The following RBMS1 variants were observed in gnomAD, a reference collection of about 807,000 sequenced individuals.
The protein encoded by RBMS1 is RNA-binding motif, single-stranded-interacting protein 1.
Under a neutral mutation model 62.3 loss-of-function variants are expected in RBMS1, and 17 were observed. The ratio of observed to expected loss-of-function variants is 0.27; its 90% CI spans 0.19 to 0.41. RBMS1 has a LOEUF of 0.41. Ranked by LOEUF, RBMS1 falls within the 10% of genes least tolerant of loss-of-function variation. The pLI, the probability that RBMS1 is intolerant of heterozygous loss-of-function variation, is 1.00. For missense variants in RBMS1, 334 were observed against 504.5 expected, an observed-to-expected ratio of 0.66 and a Z score of 3.24; for synonymous variants, 172 against 170.0, an observed-to-expected ratio of 1.01 and a Z score of -0.09.
In RBMS1 at chr2:160,286,319, T is replaced by A. The variant is rs541783682; in HGVS notation, c.756+650A>T. 1.8e-3 allele frequency among the ~76,000 whole-genome samples: 273 copies of A among 149,724 alleles called. 1 individual carries two copies. Among genetic ancestry groups the A allele is most frequent in the African/African-American group, 5.2e-3 (210 of 40,426 alleles). On this transcript the variant is annotated intron_variant, in intron 7 of 13. Transcript: ENST00000348849. ...TCTTCCTTTCTTTTTTTTTTTTTTT[T>A]ATTTTGTTTTTTTTTTTTGAGATGG...
intron 1 of RBMS1, among the ~76,000 whole-genome samples, chr2:160,438,116 T>G (rs1245209209): frequency 6.6e-6 from 1 of 152,234 alleles, no homozygotes; most frequent in Admixed American, 6.5e-5. Context: ...TCTCAAGTCC[T>G]TTTTCTTTTC....
intron 1 of RBMS1, among the ~76,000 whole-genome samples, chr2:160,399,845 A>T (rs1695346406): frequency 1.3e-5 from 2 of 152,176 alleles, no homozygotes; most frequent in Non-Finnish European, 2.9e-5. Context: ...ATAACTAAGA[A>T]AAAAAGGGGG....
chr2:160,381,887 C>A (rs1694302024), intron 1 of RBMS1, among the ~76,000 whole-genome samples: 1 of 152,190 alleles, frequency 6.6e-6, no homozygotes, highest in Non-Finnish European at 1.5e-5. Flanking sequence ...AGGATTATTG[C>A]TAGAAAACAT....
At chr2:160,297,901 C>T (rs1426956063) in intron 6 of RBMS1, among the ~76,000 whole-genome samples, 1 of 152,312 alleles carries the variant, frequency 6.6e-6, no homozygotes, top group East Asian at 1.9e-4. Context: ...CTTTGGCTTT[C>T]CATGCCATTC....
chr2:160,335,067 A>G (rs979549115), intron 2 of RBMS1, among the ~76,000 whole-genome samples: 1 of 152,162 alleles, frequency 6.6e-6, no homozygotes, highest in Non-Finnish European at 1.5e-5. Context: ...AGAGGATGAT[A>G]TGTTTAGAAT....
intron 1 of RBMS1, among the ~76,000 whole-genome samples, chr2:160,399,029 ACT>A (rs1342312664): frequency 6.6e-6 from 1 of 152,096 alleles, no homozygotes; most frequent in East Asian, 1.9e-4. Context: ...TGTTCTTCAA[ACT>A]CTACCCTGCA....
intron 3 of RBMS1, among the ~76,000 whole-genome samples, chr2:160,316,870 C>T (rs1220177247): frequency 6.6e-6 from 1 of 151,668 alleles, no homozygotes; most frequent in Non-Finnish European, 1.5e-5. Flanking sequence ...ATTTTTATTC[C>T]TGCAAGAGTC....
chr2:160,393,289 C>G (rs879502069), intron 1 of RBMS1, among the ~76,000 whole-genome samples: 1 of 152,206 alleles, frequency 6.6e-6, no homozygotes, highest in Non-Finnish European at 1.5e-5. Flanking sequence ...TCTTAAATAT[C>G]TGAAGCTCTT....
At chr2:160,305,676 T>C (rs1329734099) in intron 4 of RBMS1, among the ~76,000 whole-genome samples, 1 of 151,920 alleles carries the variant, frequency 6.6e-6, no homozygotes, top group East Asian at 1.9e-4. Context: ...TCTTGAAAAA[T>C]AGGGCGGTTT....
intron 2 of RBMS1, among the ~76,000 whole-genome samples, chr2:160,336,391 C>A (rs112899340): frequency 4.6e-5 from 7 of 151,988 alleles, no homozygotes; most frequent in Non-Finnish European, 7.4e-5. Context: ...TGTTTTTTAG[C>A]GGGGAGACAA....
At chr2:160,443,694 A>G (rs1286298122) in intron 1 of RBMS1, among the ~76,000 whole-genome samples, 2 of 152,172 alleles carry the variant, frequency 1.3e-5, no homozygotes, top group Admixed American at 6.6e-5. Flanking sequence ...CTTCCTGTAC[A>G]GTCTGCAGAA....
rs779889709 is a variant in RBMS1, at chr2:160,278,584, C to T, written c.1026G>A (p.Gln342=). 1 of 1,613,550 alleles carries T rather than the reference C, an allele frequency of 6.2e-7. No homozygotes were observed. The highest frequency in any genetic ancestry group is 1.1e-5 in the South Asian group (1 of 91,054). The change falls in exon 11 of 14, where the codon CAG becomes CAA. Residue 342 remains glutamine (Q), a synonymous_variant. Transcript: ENST00000348849. ...QPASMISPLA[Q]QMSHLSLGST... is the part of the protein sequence containing the mutation. ...TGCCTAGTGACAGATGACTCATCTG[C>T]TGGGCCAGAGGGCTGATCATTGATG...
intron 1 of RBMS1, among the ~76,000 whole-genome samples, chr2:160,378,719 C>T (rs1164239067): frequency 6.6e-6 from 1 of 151,996 alleles, no homozygotes; most frequent in Admixed American, 6.5e-5. Flanking sequence ...TAAAGAATCA[C>T]TAGAATTGCC....
rs1385296806 is a variant in RBMS1 at position 160,311,246 on chromosome 2, A to C, written c.402+1910T>G. Reference sequence around the variant, plus strand: ...TATCTATCTATCTATATATATATATATATATATATATAGTCTGTTTATTTT... The same window carrying C: ...TATCTATCTATCTATATATATATATCTATATATATATAGTCTGTTTATTTT... On this transcript the variant is annotated intron_variant, in intron 4 of 13. Transcript: ENST00000348849. 2.5e-4 allele frequency among the ~76,000 whole-genome samples: 32 copies of C among 127,934 alleles called. 1 individual carries two copies. The highest frequency in any genetic ancestry group is 5.3e-4 in the South Asian group (2 of 3,794). The allele number at this position is 127,934 out of a possible 152,430, so 83.9% of individuals were successfully genotyped here.
chr2:160,336,278 T>C (rs551877128), intron 2 of RBMS1, among the ~76,000 whole-genome samples: 20 of 152,306 alleles, frequency 1.3e-4, no homozygotes, highest in Non-Finnish European at 2.1e-4. Context: ...ACAAACACTC[T>C]GTGGCAAAGA....
chr2:160,414,294 A>T, intron 1 of RBMS1, among the ~76,000 whole-genome samples: 1 of 152,144 alleles, frequency 6.6e-6, no homozygotes, highest in African/African-American at 2.4e-5. Flanking sequence ...TCTTTAAACC[A>T]GTTTTTTTGT....
chr2:160,288,770 C>T (rs1033774478), intron 6 of RBMS1, among the ~76,000 whole-genome samples: 9 of 152,088 alleles, frequency 5.9e-5, no homozygotes, highest in Non-Finnish European at 1.3e-4. Context: ...TTCTCTAAAA[C>T]GAGGTGCTTT....
At chr2:160,319,324 C>T (rs989667797) in intron 2 of RBMS1, among the ~76,000 whole-genome samples, 16 of 152,136 alleles carry the variant, frequency 1.1e-4, no homozygotes, top group Non-Finnish European at 2.9e-5. Context: ...CCAGCTTGGC[C>T]AACATGGCAA....
intron 12 of RBMS1, among the ~76,000 whole-genome samples, chr2:160,276,246 G>A (rs1687825375): frequency 6.6e-6 from 1 of 152,142 alleles, no homozygotes; most frequent in African/African-American, 2.4e-5. Flanking sequence ...TTTATTTTCA[G>A]ATTTCTTTTT....
Sources: gnomAD v4.1 joint callset for allele counts (sites outside exome capture counted in the v4.1 genomes callset) on GRCh38, gnomAD v4.1.1 for gene constraint, MANE v1.5 for transcripts, NCBI Gene and HGNC (gene_info 2026-07-23, HGNC 2026-07-21) for gene names.